CADPS2: variants seen among roughly 807,000 people sequenced by gnomAD.
CADPS2 encodes the protein calcium-dependent secretion activator 2.
Under a neutral mutation model 172.5 loss-of-function variants are expected in CADPS2, and 93 were observed. The observed-to-expected ratio is 0.54, with a 90% CI of 0.46 to 0.64. The LOEUF is 0.64. Among genes scored for constraint, CADPS2 ranks in the 30% least tolerant of loss-of-function variants. The probability of loss-of-function intolerance (pLI) is 0.00; values close to 1 mark genes in which losing one functional copy is unlikely to be tolerated. For synonymous variants in CADPS2, 546 were observed against 555.2 expected, an observed-to-expected ratio of 0.98 and a Z score of 0.23; for missense variants, 1,420 against 1,565.9, an observed-to-expected ratio of 0.91 and a Z score of 1.57.
rs759707111 is a variant in CADPS2 at position 122,663,292 on chromosome 7, T to C, written c.731A>G (p.Gln244Arg). Residue 244 changes from glutamine (Q) to arginine (R), a missense_variant, in exon 3 of 30, where the codon CAG (glutamine) becomes CGG (arginine). Coordinates refer to ENST00000449022, the MANE Select transcript of CADPS2 (RefSeq NM_017954.11). ...LSKEQLYEMFQQILGIKKLEH... is the reference protein window; with the variant it reads ...LSKEQLYEMFRQILGIKKLEH... ...CAGTTTTTTAATACCCAGAATCTGC[T>C]GAAACATTTCATAGAGTTGTTCCTT... The C allele has an allele frequency of 4.3e-6, 7 of 1,613,930 alleles. No homozygotes were observed. Among genetic ancestry groups the C allele is most frequent in the Middle Eastern group, 1.6e-4 (1 of 6,062 alleles).
At chr7:122,774,702 A>C (rs2093820870) in intron 1 of CADPS2, among the ~76,000 whole-genome samples, 2 of 151,954 alleles carry the variant, frequency 1.3e-5, no homozygotes, top group African/African-American at 2.4e-5. Context: ...TAGAATTTTT[A>C]GTTATTCTGA....
intron 2 of CADPS2, among the ~76,000 whole-genome samples, chr7:122,712,043 T>G (rs554290623): frequency 2.6e-5 from 4 of 152,242 alleles, no homozygotes; most frequent in African/African-American, 7.2e-5. Context: ...AAAACACTCT[T>G]GTATCTTTTA....
intron 2 of CADPS2, among the ~76,000 whole-genome samples, chr7:122,681,159 G>A (rs2082988285): frequency 6.6e-6 from 1 of 150,436 alleles, no homozygotes; most frequent in Non-Finnish European, 1.5e-5. Flanking sequence ...GGATAGCATT[G>A]GGAGATATAC....
At chr7:122,573,351 C>T (rs1297365624) in intron 7 of CADPS2, among the ~76,000 whole-genome samples, 1 of 151,842 alleles carries the variant, frequency 6.6e-6, no homozygotes, top group African/African-American at 2.4e-5. Flanking sequence ...AGACCAGCCT[C>T]GAAACATTGT....
chr7:122,512,326 C>A (rs2060062472), intron 9 of CADPS2, among the ~76,000 whole-genome samples: 1 of 151,932 alleles, frequency 6.6e-6, no homozygotes, highest in Non-Finnish European at 1.5e-5. Flanking sequence ...TTAATGTGTG[C>A]CATTGGAATC....
chr7:122,837,717 A>G (rs1808979292), intron 1 of CADPS2, among the ~76,000 whole-genome samples: 1 of 152,222 alleles, frequency 6.6e-6, no homozygotes, highest in African/African-American at 2.4e-5. Flanking sequence ...CACTCTCCCA[A>G]CAATAAACCA....
chr7:122,407,049 T>C (rs1307557697), intron 20 of CADPS2, among the ~76,000 whole-genome samples: 2 of 152,230 alleles, frequency 1.3e-5, no homozygotes, highest in Non-Finnish European at 2.9e-5. Context: ...TTTCTAAATG[T>C]TGAATGAGCA....
At chr7:122,527,469 G>T (rs1204587960) in intron 8 of CADPS2, among the ~76,000 whole-genome samples, 1 of 150,856 alleles carries the variant, frequency 6.6e-6, no homozygotes, top group Non-Finnish European at 1.5e-5. Context: ...AATCTCTGAG[G>T]AGACCAAGTA....
intron 28 of CADPS2, among the ~76,000 whole-genome samples, chr7:122,340,778 A>G (rs2036646908): frequency 6.6e-6 from 1 of 150,970 alleles, no homozygotes; most frequent in African/African-American, 2.4e-5. Flanking sequence ...CATACTTTTT[A>G]TATTGGGATC....
chr7:122,363,768 T>C (rs2040490313), intron 25 of CADPS2, among the ~76,000 whole-genome samples: 1 of 152,178 alleles, frequency 6.6e-6, no homozygotes, highest in Non-Finnish European at 1.5e-5. Flanking sequence ...ATATTATCCA[T>C]ATGATTAGCA....
intron 2 of CADPS2, among the ~76,000 whole-genome samples, chr7:122,730,521 CTAA>C (rs941655700): frequency 5.9e-5 from 9 of 151,402 alleles, no homozygotes; most frequent in African/African-American, 2.2e-4. Flanking sequence ...GAAAACATAA[CTAA>C]TAAGCAAGAT....
intron 3 of CADPS2, among the ~76,000 whole-genome samples, chr7:122,649,009 G>T (rs2078858008): frequency 6.6e-6 from 1 of 152,016 alleles, no homozygotes; most frequent in Non-Finnish European, 1.5e-5. Flanking sequence ...TCAGATCACA[G>T]AGAAGGAGCT....
intron 1 of CADPS2, among the ~76,000 whole-genome samples, chr7:122,748,096 G>A (rs562482105): frequency 2.6e-5 from 4 of 152,204 alleles, no homozygotes; most frequent in African/African-American, 9.6e-5. Flanking sequence ...ATCTACAGTA[G>A]AAGAAAATTC....
Position 122,474,508 on chromosome 7 carries a change from C to T in CADPS2, c.1871G>A (p.Arg624His), listed in dbSNP as rs772238734. The T allele has an allele frequency of 1.1e-5, 18 of 1,612,378 alleles. No individual in the cohort carries two copies. The highest frequency in any genetic ancestry group is 5.3e-5 in the African/African-American group (4 of 74,806). Residue 624 changes from arginine (R) to histidine (H), a missense_variant, in exon 13 of 30, where the codon CGT becomes CAT. By Grantham distance (29) the Arg-to-His change is conservative. Coordinates refer to ENST00000449022, the MANE Select transcript of CADPS2 (RefSeq NM_017954.11). ...DAQLSGKDAD[R>H]FQKHGMDEFI... Reference sequence around the variant, plus strand: ...CTCATCCATACCATGTTTCTGAAAACGATCTGCATCTGTAAATTCAGGAAA... The same window carrying T: ...CTCATCCATACCATGTTTCTGAAAATGATCTGCATCTGTAAATTCAGGAAA...
intron 8 of CADPS2, among the ~76,000 whole-genome samples, chr7:122,516,868 A>G (rs1482180061): frequency 6.6e-6 from 1 of 152,116 alleles, no homozygotes; most frequent in Non-Finnish European, 1.5e-5. Flanking sequence ...CACAATGTCT[A>G]TATTGGCCAT....
At chr7:122,851,261 T>C (rs951795317) in intron 1 of CADPS2, among the ~76,000 whole-genome samples, 6 of 152,068 alleles carry the variant, frequency 3.9e-5, no homozygotes, top group Non-Finnish European at 7.4e-5. Context: ...TACAGTGCAG[T>C]CCCCAGGGAT....
intron 6 of CADPS2, among the ~76,000 whole-genome samples, chr7:122,605,836 A>G (rs529538121): frequency 1.3e-5 from 2 of 152,228 alleles, no homozygotes; most frequent in African/African-American, 2.4e-5. Flanking sequence ...ATTTCTTCCA[A>G]TTAGTTCATG....
chr7:122,414,128 G>A, intron 18 of CADPS2, 52 bp from the exon 19 acceptor site: 3 of 1,409,094 alleles, frequency 2.1e-6, no homozygotes, highest in Non-Finnish European at 2.8e-6. Flanking sequence ...AATTGCCATA[G>A]TGTTACAAAA....
chr7:122,884,598 T>C (rs1823808651), intron 1 of CADPS2, among the ~76,000 whole-genome samples: 1 of 151,716 alleles, frequency 6.6e-6, no homozygotes, highest in Admixed American at 6.6e-5. Context: ...AAGGAAATAT[T>C]CCATAAGGAT....
Sources: gnomAD v4.1 joint callset for allele counts (sites outside exome capture counted in the v4.1 genomes callset) on GRCh38, gnomAD v4.1.1 for gene constraint, MANE v1.5 for transcripts, NCBI Gene and HGNC (gene_info 2026-07-23, HGNC 2026-07-21) for gene names.